The following CMKLR1 variants were observed in gnomAD, a reference collection of about 807,000 sequenced individuals.
CMKLR1 encodes chemerin chemokine-like receptor 1.
Under a neutral mutation model 8.2 loss-of-function variants are expected in CMKLR1, and 6 were observed. That is an observed-to-expected ratio of 0.73 (90% CI 0.40 to 1.44). The LOEUF (loss-of-function observed/expected upper bound fraction) is 1.44, where lower values mean the gene tolerates loss of function less well. Ranked by LOEUF, CMKLR1 falls within the 40% of genes most tolerant of loss-of-function variation. CMKLR1 has a pLI of 0.02. For missense variants in CMKLR1, 429 were observed against 478.0 expected (o/e 0.90, Z 0.96); for synonymous variants, 178 against 181.2 (o/e 0.98, Z 0.14).
chr12:108,306,033 C>T (rs1195558102), intron 2 of CMKLR1, among the ~76,000 whole-genome samples: 1 of 152,232 alleles, frequency 6.6e-6, no homozygotes, highest in Non-Finnish European at 1.5e-5. Context: ...CTCCTTGAGC[C>T]TTAAAAGCGT....
At chr12:108,323,142 A>G (rs1891900009) in intron 2 of CMKLR1, among the ~76,000 whole-genome samples, 1 of 152,200 alleles carries the variant, frequency 6.6e-6, no homozygotes, top group East Asian at 1.9e-4. Context: ...TGAGACTGTC[A>G]TAGAGTTGCC....
At chr12:108,321,747 C>T (rs1891866277) in intron 2 of CMKLR1, among the ~76,000 whole-genome samples, 1 of 152,220 alleles carries the variant, frequency 6.6e-6, no homozygotes, top group Non-Finnish European at 1.5e-5. Flanking sequence ...GATGCCCTTC[C>T]CTAGCTCCTC....
intron 1 of CMKLR1, among the ~76,000 whole-genome samples, chr12:108,332,418 A>G (rs1449157936): frequency 1.3e-5 from 2 of 152,230 alleles, no homozygotes; most frequent in Non-Finnish European, 2.9e-5. Flanking sequence ...GGATTAAAAT[A>G]TAATAAGTAT....
intron 2 of CMKLR1, among the ~76,000 whole-genome samples, chr12:108,296,305 G>A (rs1891133290): frequency 6.6e-6 from 1 of 152,234 alleles, no homozygotes; most frequent in Non-Finnish European, 1.5e-5. Flanking sequence ...AATAGCTCCT[G>A]CCTCATAAGA....
intron 2 of CMKLR1, among the ~76,000 whole-genome samples, chr12:108,310,639 G>A (rs1366299857): frequency 2.6e-5 from 4 of 152,186 alleles, no homozygotes; most frequent in Non-Finnish European, 4.4e-5. Flanking sequence ...TTGAGTGAGC[G>A]GAGGAGTGAG....
chr12:108,316,298 G>A (rs1288031860), intron 2 of CMKLR1, among the ~76,000 whole-genome samples: 36 of 152,122 alleles, frequency 2.4e-4, no homozygotes, highest in Admixed American at 1.0e-3. Context: ...GCAGGGGCTC[G>A]GCGGGATAGG....
intron 2 of CMKLR1, among the ~76,000 whole-genome samples, chr12:108,318,162 CAAT>C (rs1478680328): frequency 6.6e-6 from 1 of 152,194 alleles, no homozygotes; most frequent in Non-Finnish European, 1.5e-5. Context: ...CTTGCTGTTA[CAAT>C]GTTATAATAA....
intron 2 of CMKLR1, among the ~76,000 whole-genome samples, chr12:108,311,972 G>A (rs543756278): frequency 6.6e-6 from 1 of 152,346 alleles, no homozygotes; most frequent in Non-Finnish European, 1.5e-5. Flanking sequence ...TCTGCCTGGG[G>A]TGTGCTTTCC....
chr12:108,330,924 G>T (rs11113822), intron 1 of CMKLR1, among the ~76,000 whole-genome samples: 1 of 151,936 alleles, frequency 6.6e-6, no homozygotes, highest in Non-Finnish European at 1.5e-5. Flanking sequence ...CAAACACAAG[G>T]CTGGCTGGGC....
chr12:108,299,105 G>C (rs1386498292), intron 2 of CMKLR1, among the ~76,000 whole-genome samples: 1 of 152,238 alleles, frequency 6.6e-6, no homozygotes, highest in South Asian at 2.1e-4. Flanking sequence ...ACAGGAATTT[G>C]TGTTTGGAGT....
chr12:108,296,636 G>A (rs1891144362), intron 2 of CMKLR1, among the ~76,000 whole-genome samples: 2 of 152,138 alleles, frequency 1.3e-5, no homozygotes, highest in Admixed American at 1.3e-4. Flanking sequence ...GACCAGCCTG[G>A]GCAACATGGT....
Position 108,292,584 on chromosome 12 carries a change from C to T in CMKLR1, c.379G>A (p.Val127Ile), listed in dbSNP as rs374487323. 3.8e-5 allele frequency: 61 copies of T among 1,613,998 alleles called. No homozygotes were observed. Among genetic ancestry groups the T allele is most frequent in the Middle Eastern group, 1.6e-4 (1 of 6,084 alleles). ...FLLIHNMFTS[V>I]FLLTIISSDR... ...GAGCTGATGATGGTCAGCAGGAAGA[C>T]GCTGGTGAACATGTTGTGGATGAGA... Residue 127 changes from valine to isoleucine, a missense_variant, in exon 4 of 4, where the codon GTC (valine) becomes ATC (isoleucine). Transcript: ENST00000550402.
chr12:108,304,099 GAC>G (rs1186645288), intron 2 of CMKLR1, among the ~76,000 whole-genome samples: 1 of 152,208 alleles, frequency 6.6e-6, no homozygotes, highest in Non-Finnish European at 1.5e-5. Flanking sequence ...GTTGATCGAT[GAC>G]AGTGTTAAGC....
chr12:108,298,898 A>G (rs981245137), intron 2 of CMKLR1, among the ~76,000 whole-genome samples: 3 of 152,218 alleles, frequency 2.0e-5, no homozygotes, highest in Admixed American at 6.5e-5. Flanking sequence ...ATTCCCTGGG[A>G]CGGTCCCAGG....
In CMKLR1 at chr12:108,321,509, G is replaced by A. The variant is rs140806877; in HGVS notation, c.-74+8486C>T. On this transcript the variant is annotated intron_variant, in intron 2 of 3. Transcript: ENST00000550402. Reference sequence around the variant, plus strand: ...TGAGCAAAACATCAAAATAAAGATGGGATCCCATCCTGCACTTTCACGCGT... The same window carrying A: ...TGAGCAAAACATCAAAATAAAGATGAGATCCCATCCTGCACTTTCACGCGT... Among the ~76,000 whole-genome samples the A allele has an allele frequency of 2.7e-3, 412 of 151,980 alleles. 5 individuals carry two copies. The highest frequency in any genetic ancestry group is 3.5e-3 in the Non-Finnish European group (236 of 67,968).
chr12:108,326,318 C>T (rs1013361910), intron 2 of CMKLR1, among the ~76,000 whole-genome samples: 6 of 152,328 alleles, frequency 3.9e-5, no homozygotes, highest in African/African-American at 1.4e-4. Flanking sequence ...ATGTCCACAG[C>T]ACCTGAATGT....
intron 2 of CMKLR1, among the ~76,000 whole-genome samples, chr12:108,319,556 C>T (rs1169242176): frequency 1.3e-5 from 2 of 152,222 alleles, no homozygotes; most frequent in Non-Finnish European, 2.9e-5. Flanking sequence ...TGGAGCAATA[C>T]ATGCCTCACA....
chr12:108,334,928 C>T (rs375725109), intron 1 of CMKLR1, among the ~76,000 whole-genome samples: 4 of 152,236 alleles, frequency 2.6e-5, no homozygotes, highest in South Asian at 4.1e-4. Context: ...ATTCTTATTT[C>T]CTTTTTCCAG....
chr12:108,294,550 T>C (rs936835164), intron 2 of CMKLR1, among the ~76,000 whole-genome samples: 11 of 152,348 alleles, frequency 7.2e-5, no homozygotes, highest in African/African-American at 2.6e-4. Flanking sequence ...TCAGTTTTCT[T>C]ACCAATAAAT....
Sources: gnomAD v4.1 joint callset for allele counts (sites outside exome capture counted in the v4.1 genomes callset) on GRCh38, gnomAD v4.1.1 for gene constraint, MANE v1.5 for transcripts, NCBI Gene and HGNC (gene_info 2026-07-23, HGNC 2026-07-21) for gene names.